SCARA3: variants seen among roughly 807,000 people sequenced by gnomAD.
SCARA3 encodes the protein scavenger receptor class A member 3, also known as cellular stress response gene protein.
Under a neutral mutation model 47.0 loss-of-function variants are expected in SCARA3, and 39 were observed. That is an observed-to-expected ratio of 0.83 (90% CI 0.64 to 1.08). The LOEUF (loss-of-function observed/expected upper bound fraction) is 1.08, where lower values mean the gene tolerates loss of function less well. SCARA3 is among the 50% of genes least tolerant of loss of function. The pLI is 0.00. For synonymous variants in SCARA3, 356 were observed against 334.1 expected (o/e 1.07, Z -0.71); for missense variants, 724 against 792.3 (o/e 0.91, Z 1.04).
chr8:27,656,658 C>G (rs887263318), intron 3 of SCARA3, 124 bp from the exon 4 acceptor site: 3 of 675,394 alleles, frequency 4.4e-6, no homozygotes, highest in Non-Finnish European at 5.3e-6. Context: ...CATGAAGAAG[C>G]CTGAGAGAAG....
chr8:27,667,986 G>A (rs1802055102), intron 5 of SCARA3, among the ~76,000 whole-genome samples: 1 of 152,208 alleles, frequency 6.6e-6, no homozygotes, highest in African/African-American at 2.4e-5. Flanking sequence ...CGGCAGCTGT[G>A]GCTTAGGGGT....
chr8:27,674,354 G>T (rs994820639), downstream of SCARA3, among the ~76,000 whole-genome samples: 4 of 152,170 alleles, frequency 2.6e-5, no homozygotes, highest in Non-Finnish European at 5.9e-5. Context: ...TGGAAACGGG[G>T]CAGGTTGTGC....
At chr8:27,667,540 C>G (rs548787208) in intron 5 of SCARA3, among the ~76,000 whole-genome samples, 3 of 152,314 alleles carry the variant, frequency 2.0e-5, no homozygotes, top group Non-Finnish European at 4.4e-5. Context: ...TAGAGCCTCT[C>G]GGGTCTGGAT....
intron 1 of SCARA3, among the ~76,000 whole-genome samples, chr8:27,643,102 G>T (rs35139254): frequency 1.5e-3 from 232 of 152,346 alleles, no homozygotes; most frequent in African/African-American, 5.3e-3. Context: ...TAGCGGGCAA[G>T]GCCAGGATGC....
the SCARA3 span, among the ~76,000 whole-genome samples, chr8:27,699,099 C>G: frequency 6.6e-6 from 1 of 151,728 alleles, no homozygotes; most frequent in Non-Finnish European, 1.5e-5. Context: ...AAAAAATTAG[C>G]CGGGCATGGT....
At chr8:27,676,490 A>AGGTGTCC, downstream of SCARA3, 1 of 1,547,594 alleles carries the variant, frequency 6.5e-7, no homozygotes, top group Non-Finnish European at 8.9e-7. Flanking sequence ...TCTCCAACAT[A>AGGTGTCC]GGTGTCCAAC....
chr8:27,638,061 AC>A (rs1030856333), intron 1 of SCARA3, among the ~76,000 whole-genome samples: 6 of 151,978 alleles, frequency 3.9e-5, no homozygotes, highest in African/African-American at 1.4e-4. Context: ...CCCCACTCCC[AC>A]CCCCAGCCAA....
At position 27,672,126 on chromosome 8, in the gene SCARA3, C is replaced by T. The variant is rs969749822; in HGVS notation, c.*775C>T. 1.5e-5 allele frequency: 15 copies of T among 985,318 alleles called. No homozygotes were observed. Among genetic ancestry groups the T allele is most frequent in the South Asian group, 9.4e-5 (2 of 21,288 alleles). The allele number at this position is 985,318 out of a possible 1,614,324, so 61.0% of individuals were successfully genotyped here. A position where few individuals can be genotyped will look rare whatever the true frequency, so the allele number is the denominator to read the frequency against. On this transcript the variant is annotated 3_prime_UTR_variant, in exon 6 of 6. Coordinates refer to ENST00000301904, the MANE Select transcript of SCARA3 (RefSeq NM_016240.3). ...CCCATAAGCAGGGGACCAGCATACCCGGGAGCTGTCCCTGTCTGTCACAGC... is the reference window on the plus strand; with the variant it reads ...CCCATAAGCAGGGGACCAGCATACCTGGGAGCTGTCCCTGTCTGTCACAGC...
rs756667575 is a variant in SCARA3, at chr8:27,658,949, G to A, written c.779G>A (p.Arg260Gln). 131 of 1,613,952 alleles carry A rather than the reference G, an allele frequency of 8.1e-5. 2 individuals are homozygous for A. In the Admixed American group the frequency reaches 1.0e-3, roughly 13 times the overall value. The change falls in exon 5 of 6, where the codon CGG becomes CAG. Residue 260 changes from arginine to glutamine, a missense_variant. Coordinates refer to ENST00000301904, the MANE Select transcript of SCARA3 (RefSeq NM_016240.3). Reference protein sequence around the residue: ...KIVTDWQNYTRLFSGLRTTST... With the variant: ...KIVTDWQNYTQLFSGLRTTST... ...GTCACCGACTGGCAGAACTACACAC[G>A]GCTCTTCAGCGGCCTGCGCACCACC...
intron 3 of SCARA3, among the ~76,000 whole-genome samples, chr8:27,652,949 C>T (rs1357427053): frequency 6.6e-6 from 1 of 152,244 alleles, no homozygotes; most frequent in East Asian, 1.9e-4. Flanking sequence ...ATTTAAGAAC[C>T]AAGGATTTCA....
Position 27,634,087 on chromosome 8 carries a change from C to T in SCARA3, c.-114C>T, listed in dbSNP as rs1801193668. On this transcript the variant is annotated 5_prime_UTR_variant, in exon 1 of 6. Transcript: ENST00000301904. The stretch of plus-strand genomic sequence containing the variant: ...AGTCCCGGCCGGAGCCCCACGGCCG[C>T]GGGCGGCGCCTAGGACGGCGATCCG... 1.0e-6 allele frequency: 1 copy of T among 1,003,036 alleles called. No individual in the cohort carries two copies. Among genetic ancestry groups the T allele is most frequent in the Non-Finnish European group, 1.3e-6 (1 of 754,696 alleles). 62.1% of individuals were successfully genotyped at this position (1,003,036 alleles called of 1,614,324 possible). A position where few individuals can be genotyped will look rare whatever the true frequency, so the allele number is the denominator to read the frequency against.
In SCARA3 at chr8:27,670,958, T is replaced by C. The variant is rs199911896; in HGVS notation, c.1428T>C (p.Pro476=). ...AAGGAGATATGGGCGTGAAAGGGCC[T>C]GTTGGCGGCAGAGGCCCGAAAGGAG... ...GFKGDMGVKG[P]VGGRGPKGDP... Residue 476 remains proline, a synonymous_variant, in exon 6 of 6, where the codon CCT becomes CCC. Transcript: ENST00000301904. 1.9e-6 allele frequency: 3 copies of C among 1,596,948 alleles called. No homozygotes were observed. The highest frequency in any genetic ancestry group is 1.8e-5 in the Admixed American group (1 of 54,838).
chr8:27,701,774 T>A, the SCARA3 span: 1 of 153,066 alleles, frequency 6.5e-6, no homozygotes, highest in African/African-American at 2.4e-5. Context: ...CACTCGTATG[T>A]CTACCATTGT....
At chr8:27,701,400 T>A in the SCARA3 span, 1 of 152,170 alleles carries the variant, frequency 6.6e-6, no homozygotes, top group South Asian at 2.1e-4. Flanking sequence ...TTGAAGTGTA[T>A]GCATTGTATT....
chr8:27,647,069 A>G (rs1258078480), intron 1 of SCARA3, among the ~76,000 whole-genome samples: 2 of 147,200 alleles, frequency 1.4e-5, no homozygotes, highest in East Asian at 4.0e-4. Flanking sequence ...AAGCTTTGCC[A>G]CTGCCCAGCT....
chr8:27,729,013 T>C, the SCARA3 span, among the ~76,000 whole-genome samples: 1 of 152,134 alleles, frequency 6.6e-6, no homozygotes, highest in African/African-American at 2.4e-5. Flanking sequence ...TGCAGTGAGC[T>C]GTGATTGCAC....
At position 27,658,680 on chromosome 8, in the gene SCARA3, G is replaced by T; in HGVS notation, c.510G>T (p.Glu170Asp). 6.2e-7 allele frequency: 1 copy of T among 1,614,122 alleles called. No individual in the cohort carries two copies. Among genetic ancestry groups the T allele is most frequent in the Non-Finnish European group, 8.5e-7 (1 of 1,180,008 alleles). ...LSTTSRQISQ[E>D]MGSCSFSIHQ... The stretch of plus-strand genomic sequence containing the variant: ...CCACCAGCAGACAAATCTCCCAGGA[G>T]ATGGGCAGTTGCTCCTTCTCCATCC... Residue 170 changes from glutamate to aspartate, a missense_variant, in exon 5 of 6, where the codon GAG becomes GAT. Glu to Asp is a conservative substitution (Grantham distance 45). Coordinates refer to ENST00000301904, the MANE Select transcript of SCARA3 (RefSeq NM_016240.3).
chr8:27,675,576 G>T (rs1802262738), downstream of SCARA3, among the ~76,000 whole-genome samples: 1 of 152,190 alleles, frequency 6.6e-6, no homozygotes, highest in Admixed American at 6.5e-5. Context: ...GATCACTTGA[G>T]GTCAGGAGTT....
At chr8:27,728,042 A>G in the SCARA3 span, among the ~76,000 whole-genome samples, 1 of 152,232 alleles carries the variant, frequency 6.6e-6, no homozygotes, top group Non-Finnish European at 1.5e-5. Flanking sequence ...TTCTTAAGGC[A>G]GGACACAAGC....
Sources: allele counts gnomAD v4.1 joint callset (sites outside exome capture counted in the v4.1 genomes callset), GRCh38; gene constraint gnomAD v4.1.1; transcripts MANE v1.5; gene names NCBI Gene and HGNC (gene_info 2026-07-23, HGNC 2026-07-21).